The following RMDN2 variants were observed in gnomAD, a reference collection of about 807,000 sequenced individuals.
RMDN2 encodes regulator of microtubule dynamics protein 2.
RMDN2 carries 61 observed loss-of-function variants against 52.8 expected under a neutral mutation model. The observed-to-expected ratio is 1.16, with a 90% CI of 0.94 to 1.43. The LOEUF (loss-of-function observed/expected upper bound fraction) is 1.43. Ranked by LOEUF, RMDN2 falls within the 40% of genes most tolerant of loss-of-function variation. The pLI is 0.00. For synonymous variants in RMDN2, 180 were observed against 153.1 expected, an observed-to-expected ratio of 1.18 and a Z score of -1.30; for missense variants, 592 against 475.3, an observed-to-expected ratio of 1.25 and a Z score of -2.28.
At chr2:38,053,153 T>C (rs939805068) in intron 10 of RMDN2, among the ~76,000 whole-genome samples, 1 of 152,160 alleles carries the variant, frequency 6.6e-6, no homozygotes, top group African/African-American at 2.4e-5. Context: ...GTGAGGGTGG[T>C]TGACTAAAGA....
intron 5 of RMDN2, among the ~76,000 whole-genome samples, chr2:37,986,101 C>T (rs1673976687): frequency 6.6e-6 from 1 of 151,916 alleles, no homozygotes; most frequent in African/African-American, 2.4e-5. Context: ...AGTTTTAAGT[C>T]CAAATAATTT....
chr2:38,014,471 ATTT>A (rs1317382726), intron 10 of RMDN2, among the ~76,000 whole-genome samples: 2 of 152,182 alleles, frequency 1.3e-5, no homozygotes, highest in African/African-American at 4.8e-5. Flanking sequence ...CCTTTTATTT[ATTT>A]ATTTTCTTAA....
chr2:38,042,294 C>A (rs1681001828), intron 10 of RMDN2, among the ~76,000 whole-genome samples: 2 of 151,870 alleles, frequency 1.3e-5, no homozygotes, highest in South Asian at 2.1e-4. Context: ...TACTGATAAA[C>A]CCTCCCCAAT....
At chr2:37,963,922 C>T (rs76390776) in intron 2 of RMDN2, among the ~76,000 whole-genome samples, 11 of 148,568 alleles carry the variant, frequency 7.4e-5, no homozygotes, top group Non-Finnish European at 1.0e-4. Flanking sequence ...ACCTCCCGGA[C>T]GGGGCGGCGG....
rs79197518 is a variant in RMDN2 at position 37,997,468 on chromosome 2, A to G, written c.998A>G (p.Lys333Arg). 2.9e-3 allele frequency: 4,736 copies of G among 1,613,904 alleles called. 117 individuals are homozygous for G. In the African/African-American group the frequency reaches 0.056, roughly 19 times the overall value. Residue 333 changes from lysine (K) to arginine (R), a missense_variant, in exon 8 of 11, where the codon AAA becomes AGA. Physicochemically the swap from Lys to Arg is conservative, Grantham distance 26. Coordinates refer to ENST00000354545, the MANE Select transcript of RMDN2 (RefSeq NM_001170791.3). Reference protein sequence around the residue: ...EKKMAATLFGKIPSSTVQEAL... With the variant: ...EKKMAATLFGRIPSSTVQEAL... ...AAAATGGCTGCTACTCTGTTTGGAA[A>G]AATACCATCTTCAACTGTACAAGAA...
intron 10 of RMDN2, among the ~76,000 whole-genome samples, chr2:38,005,326 A>C (rs1676928039): frequency 6.6e-6 from 1 of 152,172 alleles, no homozygotes; most frequent in Admixed American, 6.5e-5. Flanking sequence ...CAACAGTGTA[A>C]AAGTGTTCCT....
intron 2 of RMDN2, among the ~76,000 whole-genome samples, chr2:37,959,992 T>A (rs1669992232): frequency 6.6e-6 from 1 of 152,204 alleles, no homozygotes; most frequent in Non-Finnish European, 1.5e-5. Flanking sequence ...CTAATTTGAT[T>A]ACACTGTGGT....
rs563930943 is a variant in RMDN2 at position 37,968,163 on chromosome 2, A to C, written c.453-5877A>C. Among the ~76,000 whole-genome samples the C allele has an allele frequency of 1.4e-4, 22 of 152,272 alleles. No homozygotes were observed. The South Asian group carries it at 4.6e-3, about 32-fold the overall frequency. On this transcript the variant is annotated intron_variant, in intron 2 of 10. Transcript: ENST00000354545. Reference sequence around the variant, plus strand: ...AGGCTAGGTGCAATGGGTCAAGGCCAAGCATGGTGGCTCATGCCTGTAATC... The same window carrying C: ...AGGCTAGGTGCAATGGGTCAAGGCCCAGCATGGTGGCTCATGCCTGTAATC...
intron 2 of RMDN2, chr2:37,951,512 T>A: frequency 1.9e-6 from 3 of 1,612,174 alleles, no homozygotes; most frequent in Non-Finnish European, 2.5e-6. Context: ...GAGCTAACTT[T>A]GATTCTGAAG....
At chr2:38,003,737 T>C (rs1676676951) in intron 8 of RMDN2, among the ~76,000 whole-genome samples, 1 of 151,976 alleles carries the variant, frequency 6.6e-6, no homozygotes, top group Admixed American at 6.6e-5. Flanking sequence ...CTGAAAACCA[T>C]AAAGTATCTC....
chr2:37,923,107 T>C (rs553044716), upstream of RMDN2: 4 of 152,132 alleles, frequency 2.6e-5, no homozygotes, highest in African/African-American at 9.7e-5. Flanking sequence ...TTCCTAGTAG[T>C]GGGGAGGGGA....
At chr2:37,929,214 G>C (rs774399095) in intron 1 of RMDN2, 48 bp from the exon 2 acceptor site, 13 of 1,152,442 alleles carry the variant, frequency 1.1e-5, no homozygotes, top group Non-Finnish European at 1.5e-5. Flanking sequence ...TTTTGTCTTG[G>C]ACAAAGACAT....
chr2:37,975,664 A>G (rs969929625), intron 4 of RMDN2, among the ~76,000 whole-genome samples: 15 of 152,190 alleles, frequency 9.9e-5, no homozygotes, highest in African/African-American at 3.4e-4. Flanking sequence ...TATGACCTGC[A>G]TGTTTTGCAC....
chr2:38,023,558 A>G (rs1475181827), intron 10 of RMDN2, among the ~76,000 whole-genome samples: 3 of 152,034 alleles, frequency 2.0e-5, no homozygotes, highest in Non-Finnish European at 4.4e-5. Context: ...GCCTGTTTTT[A>G]ATGACTTGAT....
chr2:37,982,616 C>G (rs1254950261), intron 5 of RMDN2, among the ~76,000 whole-genome samples: 2 of 151,964 alleles, frequency 1.3e-5, no homozygotes, highest in Non-Finnish European at 1.5e-5. Flanking sequence ...TAGTGTGTCG[C>G]GGATGGATAG....
At chr2:38,049,342 G>T (rs1681455452) in intron 10 of RMDN2, among the ~76,000 whole-genome samples, 1 of 152,154 alleles carries the variant, frequency 6.6e-6, no homozygotes, top group African/African-American at 2.4e-5. Context: ...CAGTGGACTG[G>T]ACCATCCCAG....
In RMDN2 at chr2:37,929,295, C is replaced by G; in HGVS notation, c.18C>G (p.Asn6Lys). 6 of 1,530,222 alleles carry G rather than the reference C, an allele frequency of 3.9e-6. No homozygotes were observed. The highest frequency in any genetic ancestry group is 4.4e-6 in the Non-Finnish European group (5 of 1,136,984). 94.8% of individuals were successfully genotyped at this position (1,530,222 alleles called of 1,614,324 possible). ...ACCAAGAAATGCCTTATTCCACAAA[C>G]AAAGAGTTGATACTTGGCATCATGG... MPYST[N>K]KELILGIMVG... Residue 6 changes from asparagine (N) to lysine (K), a missense_variant, in exon 2 of 11, where the codon AAC (asparagine) becomes AAG (lysine). Transcript: ENST00000354545.
chr2:38,005,207 A>G (rs569545871), intron 10 of RMDN2, among the ~76,000 whole-genome samples: 29 of 152,366 alleles, frequency 1.9e-4, no homozygotes, highest in African/African-American at 6.5e-4. Context: ...CTTTGGCTAT[A>G]TACCCAGTAA....
chr2:38,059,442 C>T (rs1681957716), intron 10 of RMDN2, among the ~76,000 whole-genome samples: 1 of 152,090 alleles, frequency 6.6e-6, no homozygotes, highest in Non-Finnish European at 1.5e-5. Context: ...TTCCAAGGAA[C>T]ATAAAAATGT....
Sources: gnomAD v4.1 joint callset for allele counts (sites outside exome capture counted in the v4.1 genomes callset) on GRCh38, gnomAD v4.1.1 for gene constraint, MANE v1.5 for transcripts, NCBI Gene and HGNC (gene_info 2026-07-23, HGNC 2026-07-21) for gene names.